Variants in EXT1 observed in about 807,000 individuals in gnomAD.
The protein encoded by EXT1 is exostosin glycosyltransferase 1, also known as exostosin-1.
A neutral mutation model predicts 82.5 loss-of-function variants in EXT1; 20 were observed. The ratio of observed to expected loss-of-function variants is 0.24; its 90% CI spans 0.17 to 0.35. EXT1 has a LOEUF of 0.35. Ranked by LOEUF, EXT1 falls within the 10% of genes least tolerant of loss-of-function variation. EXT1 has a pLI of 1.00. For missense variants in EXT1, 757 were observed against 936.5 expected (o/e 0.81, Z 2.50); for synonymous variants, 348 against 350.8 (o/e 0.99, Z 0.09).
intron 1 of EXT1, among the ~76,000 whole-genome samples, chr8:117,850,134 T>C (rs930412032): frequency 1.3e-5 from 2 of 152,252 alleles, no homozygotes; most frequent in African/African-American, 4.8e-5. Context: ...GGGCCCTTAA[T>C]GGGACAGCAT....
rs141568586 is a variant in EXT1, at chr8:118,094,980, C to G, written c.962+15105G>C. Among the ~76,000 whole-genome samples, 142 of 152,288 alleles carry G rather than the reference C, an allele frequency of 9.3e-4. 1 individual carries two copies. The East Asian group carries it at 0.021, about 23-fold the overall frequency. On this transcript the variant is annotated intron_variant, in intron 1 of 10. Coordinates refer to ENST00000378204, the MANE Select transcript of EXT1 (RefSeq NM_000127.3). ...CAAATATTTGGAGTCAGTTGAACACCATGCCCTCCTCCCTGAGCAAACATA... is the reference window on the plus strand; with the variant it reads ...CAAATATTTGGAGTCAGTTGAACACGATGCCCTCCTCCCTGAGCAAACATA...
intron 1 of EXT1, among the ~76,000 whole-genome samples, chr8:117,978,771 T>TCCC (rs1389801008): frequency 1.3e-5 from 2 of 152,216 alleles, no homozygotes; most frequent in Non-Finnish European, 2.9e-5. Context: ...GTTTGGGGTA[T>TCCC]CCCCGTTCAC....
intron 1 of EXT1, among the ~76,000 whole-genome samples, chr8:117,936,377 A>C (rs113530216): frequency 1.5e-4 from 23 of 152,348 alleles, no homozygotes; most frequent in Non-Finnish European, 2.9e-4. Context: ...AAGAAGTGTG[A>C]GTGCAGCTGC....
At chr8:118,091,476 C>A (rs936856974) in intron 1 of EXT1, among the ~76,000 whole-genome samples, 1 of 152,104 alleles carries the variant, frequency 6.6e-6, no homozygotes, top group African/African-American at 2.4e-5. Context: ...CGGTGGCTCA[C>A]GCCTGTAATC....
intron 10 of EXT1, among the ~76,000 whole-genome samples, chr8:117,802,433 C>T (rs1281552479): frequency 2.6e-5 from 4 of 152,170 alleles, no homozygotes; most frequent in Non-Finnish European, 4.4e-5. Flanking sequence ...TACTGTAATA[C>T]CATATTTTTA....
intron 1 of EXT1, among the ~76,000 whole-genome samples, chr8:118,056,842 G>A (rs1475004853): frequency 6.6e-6 from 1 of 152,196 alleles, no homozygotes; most frequent in Non-Finnish European, 1.5e-5. Context: ...AACCACAGCT[G>A]GGAATGAAGG....
intron 1 of EXT1, among the ~76,000 whole-genome samples, chr8:117,885,459 A>T (rs1475553586): frequency 6.9e-6 from 1 of 144,064 alleles, no homozygotes; most frequent in Admixed American, 7.3e-5. Flanking sequence ...ACCCTAAAAT[A>T]GATTTTTTTT....
intron 1 of EXT1, among the ~76,000 whole-genome samples, chr8:117,960,045 T>C (rs1586310279): frequency 1.3e-5 from 2 of 152,148 alleles, no homozygotes; most frequent in East Asian, 1.9e-4. Flanking sequence ...AACCCATCTT[T>C]TGTAAAAATA....
intron 4 of EXT1, among the ~76,000 whole-genome samples, chr8:117,827,074 T>C (rs961774561): frequency 6.6e-6 from 1 of 152,190 alleles, no homozygotes; most frequent in African/African-American, 2.4e-5. Context: ...GTTTTAATTA[T>C]GGATCTGTAA....
intron 1 of EXT1, among the ~76,000 whole-genome samples, chr8:117,921,970 GTTTTC>G (rs1367596118): frequency 1.8e-5 from 2 of 112,164 alleles, no homozygotes; most frequent in Admixed American, 1.2e-4. Context: ...ATTCAGATTT[GTTTTC>G]TTTTTTTTTT....
At chr8:117,833,603 A>G (rs1812137720) in intron 3 of EXT1, among the ~76,000 whole-genome samples, 1 of 151,580 alleles carries the variant, frequency 6.6e-6, no homozygotes, top group Non-Finnish European at 1.5e-5. Context: ...TGACAGAGCG[A>G]GACTCCATCT....
At chr8:117,942,129 T>C (rs1814294529) in intron 1 of EXT1, among the ~76,000 whole-genome samples, 2 of 152,190 alleles carry the variant, frequency 1.3e-5, no homozygotes, top group African/African-American at 2.4e-5. Context: ...GACCCATCCA[T>C]ATATTAAAAT....
At chr8:118,062,720 C>CGTG (rs1563644130) in intron 1 of EXT1, among the ~76,000 whole-genome samples, 1 of 152,098 alleles carries the variant, frequency 6.6e-6, no homozygotes, top group Non-Finnish European at 1.5e-5. Flanking sequence ...GGAAAAGGGA[C>CGTG]GGTCCAGAAA....
chr8:117,885,631 T>C (rs1813135233), intron 1 of EXT1, among the ~76,000 whole-genome samples: 1 of 152,170 alleles, frequency 6.6e-6, no homozygotes, highest in Admixed American at 6.5e-5. Flanking sequence ...TTTCTTGGCT[T>C]AAAATGTGAT....
intron 1 of EXT1, among the ~76,000 whole-genome samples, chr8:118,089,210 A>C (rs1325757565): frequency 6.6e-6 from 1 of 152,204 alleles, no homozygotes; most frequent in Non-Finnish European, 1.5e-5. Flanking sequence ...TTTCACCCCA[A>C]AGCCCCCCAA....
chr8:118,011,737 T>C (rs192140824), intron 1 of EXT1, among the ~76,000 whole-genome samples: 2 of 152,348 alleles, frequency 1.3e-5, no homozygotes, highest in Admixed American at 6.5e-5. Context: ...GGCTTTCATT[T>C]GGTTTTCCCA....
intron 1 of EXT1, among the ~76,000 whole-genome samples, chr8:117,851,458 T>C (rs1563579648): frequency 6.6e-6 from 1 of 151,312 alleles, no homozygotes; most frequent in East Asian, 1.9e-4. Flanking sequence ...CAGAAGTGCT[T>C]AAGCTGCCTT....
intron 1 of EXT1, among the ~76,000 whole-genome samples, chr8:117,879,970 T>C (rs1357406170): frequency 6.6e-6 from 1 of 152,192 alleles, no homozygotes; most frequent in African/African-American, 2.4e-5. Context: ...TAGGGGGAAA[T>C]AATGAGTAAG....
chr8:117,918,617 C>T (rs888414828), intron 1 of EXT1, among the ~76,000 whole-genome samples: 16 of 152,180 alleles, frequency 1.1e-4, no homozygotes, highest in African/African-American at 3.9e-4. Flanking sequence ...TCTGCTTTTG[C>T]TCTTTAGGAA....
Sources: gnomAD v4.1 joint callset for allele counts (sites outside exome capture counted in the v4.1 genomes callset) on GRCh38, gnomAD v4.1.1 for gene constraint, MANE v1.5 for transcripts, NCBI Gene and HGNC (gene_info 2026-07-23, HGNC 2026-07-21) for gene names.